Variants in FLT4 observed in about 807,000 individuals in gnomAD.
The protein encoded by FLT4 is vascular endothelial growth factor receptor 3.
In FLT4, 30 loss-of-function variants were observed where a neutral mutation model predicts 163.2. The observed-to-expected ratio is 0.18, with a 90% CI of 0.14 to 0.25. The LOEUF is 0.25. Among genes scored for constraint, FLT4 ranks in the 10% least tolerant of loss-of-function variants. The pLI is 1.00. For synonymous variants in FLT4, 884 were observed against 789.5 expected, an observed-to-expected ratio of 1.12 and a Z score of -2.01; for missense variants, 1,510 against 1,863.8, an observed-to-expected ratio of 0.81 and a Z score of 3.50.
chr5:180,609,384 T>C (rs1762002357), intron 28 of FLT4: 2 of 462,964 alleles, frequency 4.3e-6, no homozygotes, highest in South Asian at 4.9e-5. Context: ...ACCTGGCAGC[T>C]CGTAGTTCAA....
At chr5:180,625,308 G>A (rs899420044) in intron 10 of FLT4, among the ~76,000 whole-genome samples, 8 of 152,206 alleles carry the variant, frequency 5.3e-5, no homozygotes, top group African/African-American at 1.9e-4. Context: ...GTGGAGGGGA[G>A]CACGGCTCAG....
At position 180,621,130 on chromosome 5, in the gene FLT4, C is replaced by G; in HGVS notation, c.2143G>C (p.Glu715Gln). The G allele has an allele frequency of 6.2e-7, 1 of 1,612,814 alleles. No individual in the cohort carries two copies. Among genetic ancestry groups the G allele is most frequent in the Non-Finnish European group, 8.5e-7 (1 of 1,179,982 alleles). ...HAPSIVWYKD[E>Q]RLLEEKSGVD... is the part of the protein sequence containing the mutation. Reference sequence around the variant, plus strand: ...CCAGACTTTTCCTCCAGCAGCCTCTCGTCTTTGTACCACACGATGCTGGGC... The same window carrying G: ...CCAGACTTTTCCTCCAGCAGCCTCTGGTCTTTGTACCACACGATGCTGGGC... The change falls in exon 14 of 30, where the codon GAG becomes CAG. Residue 715 changes from glutamate (E) to glutamine (Q), a missense_variant. Coordinates refer to ENST00000261937, the MANE Select transcript of FLT4 (RefSeq NM_182925.5).
At chr5:180,613,739 A>G (rs1336514967) in intron 24 of FLT4, 4 of 432,128 alleles carry the variant, frequency 9.3e-6, no homozygotes, top group East Asian at 4.7e-5. Context: ...GAGTTCCCAC[A>G]TGGAGCTCTT....
intron 1 of FLT4, 33 bp downstream of exon 1, chr5:180,649,455 C>G: frequency 6.9e-7 from 1 of 1,442,452 alleles, no homozygotes; most frequent in Non-Finnish European, 9.1e-7. Flanking sequence ...GCCAGCCCCA[C>G]GCTCGGGCGG....
chr5:180,640,968 T>C (rs11249740), intron 1 of FLT4, among the ~76,000 whole-genome samples: 120,746 of 152,030 alleles, frequency 0.79, 48,295 homozygotes, highest in East Asian at 0.94. Flanking sequence ...CATGGCTGGG[T>C]CCAGGTCCTG....
At chr5:180,645,992 G>A (rs746449524) in intron 1 of FLT4, among the ~76,000 whole-genome samples, 21 of 152,150 alleles carry the variant, frequency 1.4e-4, no homozygotes, top group Non-Finnish European at 2.5e-4. Context: ...CCCTGTGGAG[G>A]AAAATACGGC....
chr5:180,606,564 T>C (rs1255621069), intron 29 of FLT4, among the ~76,000 whole-genome samples: 1 of 152,250 alleles, frequency 6.6e-6, no homozygotes, highest in Admixed American at 6.5e-5. Context: ...CTGAGCGGCC[T>C]TCTTTGATCT....
At chr5:180,610,679 C>G (rs774207642) in intron 27 of FLT4, among the ~76,000 whole-genome samples, 19 of 152,082 alleles carry the variant, frequency 1.2e-4, no homozygotes, top group Non-Finnish European at 2.8e-4. Flanking sequence ...GGGGACTCAC[C>G]CCCAGACTAA....
At position 180,641,998 on chromosome 5, in the gene FLT4, A is replaced by G. The variant is rs576002245; in HGVS notation, c.58+7490T>C. On this transcript the variant is annotated intron_variant, in intron 1 of 29. Coordinates refer to ENST00000261937, the MANE Select transcript of FLT4 (RefSeq NM_182925.5). ...CCAAGGTGGGCGGATCAGGAGGTCA[A>G]GAGATTGAGACCATCCTGGCCAACA... 6.2e-3 allele frequency among the ~76,000 whole-genome samples: 863 copies of G among 139,168 alleles called. 2 individuals are homozygous for G. The highest frequency in any genetic ancestry group is 0.019 in the Middle Eastern group (5 of 270). The allele number at this position is 139,168 out of a possible 152,430, so 91.3% of individuals were successfully genotyped here.
At position 180,630,992 on chromosome 5, in the gene FLT4, C is replaced by T. The variant is rs1416780916; in HGVS notation, c.156-193G>A. On this transcript the variant is annotated intron_variant, in intron 2 of 29. Transcript: ENST00000261937. This position sits in a 1 kb window ranked among gnomAD's most constrained non-coding sequence, Gnocchi z 6.3. ...GACCCCCGGGCCTCTACCAGGCTCC[C>T]GGGGCTGGCCTGTGGCCAAGCACAG... Among the ~76,000 whole-genome samples, 10 of 152,138 alleles carry T rather than the reference C, an allele frequency of 6.6e-5. No individual in the cohort carries two copies. The highest frequency in any genetic ancestry group is 1.7e-4 in the African/African-American group (7 of 41,432).
chr5:180,616,296 C>T lies in FLT4; in HGVS notation c.3219+71G>A. The stretch of plus-strand genomic sequence containing the variant: ...CTGTGCCAGCCCTCCCTCTCCTGGA[C>T]AGGCAGTCTGTGGTCCCACCCCTTC... On this transcript the variant is annotated intron_variant, in intron 23 of 29. Coordinates refer to ENST00000261937, the MANE Select transcript of FLT4 (RefSeq NM_182925.5). 1.2e-6 allele frequency: 2 copies of T among 1,603,266 alleles called. 1 individual carries two copies. Among genetic ancestry groups the T allele is most frequent in the South Asian group, 2.2e-5 (2 of 90,764 alleles).
chr5:180,627,696 G>A (rs1763741774), intron 8 of FLT4, among the ~76,000 whole-genome samples: 1 of 152,204 alleles, frequency 6.6e-6, no homozygotes, highest in Non-Finnish European at 1.5e-5. Flanking sequence ...GTTCTGAGAG[G>A]CAGCTGCCTG....
intron 1 of FLT4, 84 bp downstream of exon 1, chr5:180,649,404 G>A (rs973796856): frequency 5.7e-6 from 6 of 1,048,880 alleles, no homozygotes; most frequent in Admixed American, 6.3e-5. Flanking sequence ...CCGGCGGAGC[G>A]GTCTCAGCGC....
intron 1 of FLT4, among the ~76,000 whole-genome samples, chr5:180,638,347 C>G (rs1273645152): frequency 6.6e-6 from 1 of 152,210 alleles, no homozygotes; most frequent in Non-Finnish European, 1.5e-5. Flanking sequence ...TCCCCAGATC[C>G]TCTCCCAGCC....
At chr5:180,621,977 T>A in intron 12 of FLT4, 73 bp from the exon 13 acceptor site, 1 of 1,542,796 alleles carries the variant, frequency 6.5e-7, no homozygotes, top group Non-Finnish European at 8.7e-7. Context: ...CGCCCCGGGG[T>A]CTCCTCCTGC....
intron 27 of FLT4, among the ~76,000 whole-genome samples, chr5:180,610,998 G>GCA (rs1762137375): frequency 6.6e-6 from 1 of 151,784 alleles, no homozygotes; most frequent in East Asian, 1.9e-4. Context: ...CGGAGCTTGC[G>GCA]GTGAGCCGAG....
chr5:180,627,239 G>C (rs938857456), intron 8 of FLT4, among the ~76,000 whole-genome samples: 1 of 152,158 alleles, frequency 6.6e-6, no homozygotes, highest in African/African-American at 2.4e-5. Context: ...CACAGCCCTC[G>C]GGCAGAGACC....
rs1762171795 is a variant in FLT4, at chr5:180,611,328, G to A, written c.3686+3C>T. 2 of 1,613,900 alleles carry A rather than the reference G, an allele frequency of 1.2e-6. No individual in the cohort carries two copies. The highest frequency in any genetic ancestry group is 1.7e-6 in the Non-Finnish European group (2 of 1,179,962). ...CTACTCCTGGACCTGCAGGACAGCTGACCTGGCGGCCAGGCTGTGGCGCTG... is the reference window on the plus strand; with the variant it reads ...CTACTCCTGGACCTGCAGGACAGCTAACCTGGCGGCCAGGCTGTGGCGCTG... On this transcript the variant is annotated splice_donor_region_variant and intron_variant, in intron 27 of 29. Transcript: ENST00000261937.
chr5:180,628,236 T>G (rs926432887), intron 8 of FLT4, among the ~76,000 whole-genome samples: 1 of 152,182 alleles, frequency 6.6e-6, no homozygotes, highest in Non-Finnish European at 1.5e-5. Context: ...TGTGGATGAC[T>G]CAGACGGCCT....
Sources: allele counts gnomAD v4.1 joint callset (sites outside exome capture counted in the v4.1 genomes callset), GRCh38; gene constraint gnomAD v4.1.1; non-coding constraint Gnocchi (gnomAD v3.1); transcripts MANE v1.5; gene names NCBI Gene and HGNC (gene_info 2026-07-23, HGNC 2026-07-21).